OPA1: variants seen among roughly 807,000 people sequenced by gnomAD.
The protein encoded by OPA1 is OPA1 mitochondrial dynamin like GTPase.
In OPA1, 59 loss-of-function variants were observed where a neutral mutation model predicts 152.9. That is an observed-to-expected ratio of 0.39 (90% CI 0.31 to 0.48). The LOEUF is 0.48. OPA1 is among the 20% of genes least tolerant of loss of function. The pLI, the probability that OPA1 is intolerant of heterozygous loss-of-function variation, is 0.96. For synonymous variants in OPA1, 400 were observed against 389.9 expected (o/e 1.03, Z -0.31); for missense variants, 1,008 against 1,216.8 (o/e 0.83, Z 2.55).
intron 29 of OPA1, chr3:193,668,450 C>T (rs12494482): frequency 0.47 from 729,402 of 1,550,756 alleles, 173,001 homozygotes; most frequent in African/African-American, 0.57. Context: ...CATGGAGTCC[C>T]TTTTACTGAG....
At chr3:193,600,702 ATTGTTACC>A (rs1726329799) in intron 1 of OPA1, among the ~76,000 whole-genome samples, 1 of 152,212 alleles carries the variant, frequency 6.6e-6, no homozygotes, top group African/African-American at 2.4e-5. Context: ...GCTCGTTTTC[ATTGTTACC>A]TTGTTAATAC....
chr3:193,647,039 T>C (rs770038238), intron 18 of OPA1, 26 bp from the exon 19 acceptor site: 2 of 1,449,242 alleles, frequency 1.4e-6, no homozygotes, highest in Admixed American at 1.7e-5. Context: ...TAATATACTT[T>C]AGCTCTTGTT....
At position 193,648,149 on chromosome 3, in the gene OPA1, C is replaced by T. The variant is rs780771712; in HGVS notation, c.1935+15C>T. ...AACTTGACCGGGTAATATTTGGATA[C>T]TCGTGTATTTTGTATATATCTTAAT... On this transcript the variant is annotated intron_variant, in intron 20 of 30. Coordinates refer to ENST00000361510, the MANE Select transcript of OPA1 (RefSeq NM_130837.3). 6 of 1,579,194 alleles carry T rather than the reference C, an allele frequency of 3.8e-6. No homozygotes were observed. In the African/African-American group the frequency reaches 5.4e-5, roughly 14 times the overall value.
chr3:193,676,807 C>T lies in OPA1; in HGVS notation c.2983+9527C>T, dbSNP rs143478125. ...CATCCTGGCTAACACAGTGAAACCC[C>T]GTCTCTACTAAAAATACAAAAAATT... On this transcript the variant is annotated intron_variant, in intron 29 of 30. Transcript: ENST00000361510. Among the ~76,000 whole-genome samples the T allele has an allele frequency of 5.2e-3, 796 of 152,050 alleles. 5 individuals are homozygous for T. The highest frequency in any genetic ancestry group is 0.017 in the African/African-American group (703 of 41,482).
At chr3:193,657,474 A>T (rs1387972578) in intron 23 of OPA1, among the ~76,000 whole-genome samples, 1 of 152,120 alleles carries the variant, frequency 6.6e-6, no homozygotes, top group Non-Finnish European at 1.5e-5. Flanking sequence ...CAGTAAACAG[A>T]CTCTGATAAA....
intron 30 of OPA1, among the ~76,000 whole-genome samples, chr3:193,692,458 C>T (rs1284091539): frequency 6.6e-6 from 1 of 152,088 alleles, no homozygotes; most frequent in East Asian, 1.9e-4. Context: ...TTACTTTATT[C>T]TTCTTGCCTA....
rs529001666 is a variant in OPA1 at position 193,687,620 on chromosome 3, A to G, written c.2984-4443A>G. Among the ~76,000 whole-genome samples, 6 of 152,372 alleles carry G rather than the reference A, an allele frequency of 3.9e-5. No homozygotes were observed. The South Asian group carries it at 1.2e-3, about 32-fold the overall frequency. On this transcript the variant is annotated intron_variant, in intron 29 of 30. Transcript: ENST00000361510. ...ATTTTTGAAATTTGAAAGCACCGTG[A>G]TACTGAAGCATTAATCTGAAGGATC...
chr3:193,697,134 A>G lies in OPA1; in HGVS notation c.*2534A>G, dbSNP rs1016241810. The G allele has an allele frequency of 1.3e-5, 2 of 152,200 alleles. No individual in the cohort carries two copies. The highest frequency in any genetic ancestry group is 4.8e-5 in the African/African-American group (2 of 41,450). 9.4% of individuals were successfully genotyped at this position (152,200 alleles called of 1,614,324 possible). A position where few individuals can be genotyped will look rare whatever the true frequency, so the allele number is the denominator to read the frequency against. ...GAATTTGACATAGGATGAGAGTCAG[A>G]GTATAGGTTTAAAAGATAAAATCTT... On this transcript the variant is annotated 3_prime_UTR_variant, in exon 31 of 31. Coordinates refer to ENST00000361510, the MANE Select transcript of OPA1 (RefSeq NM_130837.3).
chr3:193,690,371 A>G (rs1721517253), intron 29 of OPA1, among the ~76,000 whole-genome samples: 2 of 135,418 alleles, frequency 1.5e-5, no homozygotes, highest in Admixed American at 1.7e-4. Flanking sequence ...TAGAATAAGA[A>G]GTGCTTCAGC....
intron 23 of OPA1, 95 bp downstream of exon 23, chr3:193,657,327 C>A: frequency 8.5e-7 from 1 of 1,170,932 alleles, no homozygotes; most frequent in Non-Finnish European, 1.3e-6. Flanking sequence ...GACTAAATTA[C>A]ATTCTGAATT....
At position 193,682,778 on chromosome 3, in the gene OPA1, A is replaced by G. The variant is rs146381633; in HGVS notation, c.2984-9285A>G. On this transcript the variant is annotated intron_variant, in intron 29 of 30. Coordinates refer to ENST00000361510, the MANE Select transcript of OPA1 (RefSeq NM_130837.3). ...CAGAAAAGTTTTCTTTCAAAATATT[A>G]CTGCTCATTGACAATGCATCTGGTC... is the stretch of plus-strand genomic sequence containing the variant. 9.3e-3 allele frequency among the ~76,000 whole-genome samples: 1,416 copies of G among 152,338 alleles called. 9 individuals carry two copies. Among genetic ancestry groups the G allele is most frequent in the Non-Finnish European group, 0.015 (1,007 of 68,028 alleles).
At chr3:193,638,274 G>A (rs922612971) in intron 11 of OPA1, among the ~76,000 whole-genome samples, 10 of 152,346 alleles carry the variant, frequency 6.6e-5, no homozygotes, top group African/African-American at 2.4e-4. Flanking sequence ...AGGAGAGGAT[G>A]ACAGAGACCC....
In OPA1 at chr3:193,643,460, A is replaced by T. The variant is rs1734084827; in HGVS notation, c.1377+16A>T. 6.2e-7 allele frequency: 1 copy of T among 1,608,114 alleles called. No homozygotes were observed. The highest frequency in any genetic ancestry group is 8.5e-7 in the Non-Finnish European group (1 of 1,174,620). On this transcript the variant is annotated intron_variant, in intron 14 of 30. Coordinates refer to ENST00000361510, the MANE Select transcript of OPA1 (RefSeq NM_130837.3). ...TGTGATTAATGTAAGTATATACAAA[A>T]CATGTATTTTATTTTATTCTTATTG... is the stretch of plus-strand genomic sequence containing the variant.
intron 29 of OPA1, among the ~76,000 whole-genome samples, chr3:193,678,385 A>G (rs1385395526): frequency 6.6e-6 from 1 of 152,128 alleles, no homozygotes; most frequent in African/African-American, 2.4e-5. Context: ...TAGAAACTAT[A>G]GATGGCAAAA....
chr3:193,645,640 A>C lies in OPA1; in HGVS notation c.1681+15A>C, dbSNP rs768943229. The C allele has an allele frequency of 6.2e-7, 1 of 1,608,814 alleles. No homozygotes were observed. The highest frequency in any genetic ancestry group is 8.5e-7 in the Non-Finnish European group (1 of 1,175,574). On this transcript the variant is annotated intron_variant, in intron 17 of 30. Transcript: ENST00000361510. ...AACAGGAAAAGGTATGCAAAGATGG[A>C]TTATAATAACTTATTTTTAGTTTCT...
chr3:193,666,444 A>G lies in OPA1; in HGVS notation c.2872+55A>G. 9 of 1,348,256 alleles carry G rather than the reference A, an allele frequency of 6.7e-6. No individual in the cohort carries two copies. The South Asian group carries it at 9.4e-5, about 14-fold the overall frequency. The allele number at this position is 1,348,256 out of a possible 1,614,324, so 83.5% of individuals were successfully genotyped here. Reference sequence around the variant, plus strand: ...TTGACATTAAAAAATAATAGTGGTAATATCCATATTTAATAGAAGGATGCC... The same window carrying G: ...TTGACATTAAAAAATAATAGTGGTAGTATCCATATTTAATAGAAGGATGCC... On this transcript the variant is annotated intron_variant, in intron 28 of 30. Coordinates refer to ENST00000361510, the MANE Select transcript of OPA1 (RefSeq NM_130837.3).
Position 193,645,782 on chromosome 3 carries a change from A to T in OPA1, c.1736A>T (p.Gln579Leu). 1 of 1,612,666 alleles carries T rather than the reference A, an allele frequency of 6.2e-7. No individual in the cohort carries two copies. ...AIREYEEEFFQNSKLLKTSML... is the reference protein window; with the variant it reads ...AIREYEEEFFLNSKLLKTSML... ...AGAGAATATGAAGAAGAGTTTTTTCAGAATTCAAAGCTCCTAAAGTAGGTA... is the reference window on the plus strand; with the variant it reads ...AGAGAATATGAAGAAGAGTTTTTTCTGAATTCAAAGCTCCTAAAGTAGGTA... Residue 579 changes from glutamine to leucine, a missense_variant, in exon 18 of 31, where the codon CAG becomes CTG. Coordinates refer to ENST00000361510, the MANE Select transcript of OPA1 (RefSeq NM_130837.3).
chr3:193,676,932 G>C (rs1719176915), intron 29 of OPA1, among the ~76,000 whole-genome samples: 1 of 135,864 alleles, frequency 7.4e-6, no homozygotes, highest in South Asian at 2.3e-4. Context: ...GGTGAGCCGA[G>C]ATCGCGCCAC....
chr3:193,648,811 A>G lies in OPA1; in HGVS notation c.1952A>G (p.Lys651Arg), dbSNP rs748514298. 2 of 1,606,086 alleles carry G rather than the reference A, an allele frequency of 1.2e-6. No individual in the cohort carries two copies. Among genetic ancestry groups the G allele is most frequent in the Non-Finnish European group, 1.7e-6 (2 of 1,173,096 alleles). ...RELDRNELFE[K>R]AKNEILDEVI... ...ATTGCCTAGAATGAACTATTTGAAA[A>G]AGCTAAAAATGAAATCCTTGATGAA... The change falls in exon 21 of 31, where the codon AAA (lysine) becomes AGA (arginine). Residue 651 changes from lysine to arginine, a missense_variant. Around this residue, in one of 7 missense-constraint regions of OPA1, gnomAD observed 229 missense variants for 269.0 expected, o/e 0.85. Transcript: ENST00000361510.
Sources: gnomAD v4.1 joint callset for allele counts (sites outside exome capture counted in the v4.1 genomes callset) on GRCh38, gnomAD v4.1.1 for gene constraint, gnomAD v4.1.1 regional missense constraint, MANE v1.5 for transcripts, NCBI Gene and HGNC (gene_info 2026-07-23, HGNC 2026-07-21) for gene names.